HLF: variants seen among roughly 807,000 people sequenced by gnomAD.
HLF encodes the protein HLF transcription factor, PAR bZIP family member, also known as hepatic leukemia factor.
Under a neutral mutation model 22.6 loss-of-function variants are expected in HLF, and 3 were observed. The ratio of observed to expected loss-of-function variants is 0.13; its 90% CI spans 0.06 to 0.34. The LOEUF (loss-of-function observed/expected upper bound fraction) is 0.34. HLF is among the 10% of genes least tolerant of loss of function. HLF has a pLI of 1.00. For synonymous variants in HLF, 151 were observed against 151.8 expected, an observed-to-expected ratio of 0.99 and a Z score of 0.04; for missense variants, 299 against 389.2, an observed-to-expected ratio of 0.77 and a Z score of 1.95.
At chr17:55,318,121 G>C (rs1408128670) in intron 3 of HLF, among the ~76,000 whole-genome samples, 1 of 152,098 alleles carries the variant, frequency 6.6e-6, no homozygotes, top group Admixed American at 6.5e-5. Context: ...GTCCCTTGTT[G>C]CATGGAGGTA....
At chr17:55,318,101 G>A (rs1905136890) in intron 3 of HLF, among the ~76,000 whole-genome samples, 1 of 151,074 alleles carries the variant, frequency 6.6e-6, no homozygotes, top group South Asian at 2.1e-4. Flanking sequence ...GGTGGGGCGG[G>A]GCTAAGTGGG....
At chr17:55,278,594 A>G (rs951833647) in intron 2 of HLF, among the ~76,000 whole-genome samples, 9 of 152,226 alleles carry the variant, frequency 5.9e-5, no homozygotes, top group Non-Finnish European at 1.2e-4. Flanking sequence ...ATGGGAATCA[A>G]TGCAGCAAAC....
chr17:55,294,669 G>A (rs536897320), intron 2 of HLF, among the ~76,000 whole-genome samples: 3 of 152,306 alleles, frequency 2.0e-5, no homozygotes, highest in Admixed American at 6.5e-5. Context: ...ATGTCAGGCC[G>A]CCTTGTGAGT....
In HLF at chr17:55,321,157, CT is replaced by C; in HGVS notation, c.*281del. On this transcript the variant is annotated 3_prime_UTR_variant, in exon 4 of 4. Coordinates refer to ENST00000226067, the MANE Select transcript of HLF (RefSeq NM_002126.5). Reference sequence around the variant, plus strand: ...GTTCCAACAAAGAAAGGTGCCATGTCTTTACTAGACTGAGGAGCCCTCTCGC... The same window carrying C: ...GTTCCAACAAAGAAAGGTGCCATGTCTTACTAGACTGAGGAGCCCTCTCGC... 2.5e-6 allele frequency: 1 copy of C among 399,762 alleles called. No individual in the cohort carries two copies. Among genetic ancestry groups the C allele is most frequent in the Admixed American group, 3.9e-5 (1 of 25,726 alleles). 24.8% of individuals were successfully genotyped at this position (399,762 alleles called of 1,614,324 possible).
intron 2 of HLF, among the ~76,000 whole-genome samples, chr17:55,288,391 G>T (rs1281202551): frequency 6.6e-6 from 1 of 151,966 alleles, no homozygotes; most frequent in Non-Finnish European, 1.5e-5. Flanking sequence ...CAAGTGATCC[G>T]CCCTCCTTGG....
At position 55,323,917 on chromosome 17, in the gene HLF, G is replaced by A. The variant is rs1181358662; in HGVS notation, c.*3038G>A. The A allele has an allele frequency of 4.4e-6, 1 of 228,806 alleles. No homozygotes were observed. Among genetic ancestry groups the A allele is most frequent in the African/African-American group, 2.2e-5 (1 of 45,040 alleles). The allele number at this position is 228,806 out of a possible 1,614,324, so 14.2% of individuals were successfully genotyped here. ...TACTGACATCATCTAGACATGATTT[G>A]GAAGGAACAGCTTAGGACCTCCTGA... On this transcript the variant is annotated 3_prime_UTR_variant, in exon 4 of 4. Transcript: ENST00000226067.
chr17:55,297,382 T>C (rs2081119686), intron 2 of HLF, among the ~76,000 whole-genome samples: 1 of 152,208 alleles, frequency 6.6e-6, no homozygotes, highest in East Asian at 1.9e-4. Flanking sequence ...CTTTCTCTTA[T>C]TTCAGTTTGA....
Position 55,324,536 on chromosome 17 carries a change from T to C in HLF, c.*3657T>C. Reference sequence around the variant, plus strand: ...TCCCAAGGCATGGGACCAGGCCTGCTTGCCTATGTGTGATGGCAATTGGAG... The same window carrying C: ...TCCCAAGGCATGGGACCAGGCCTGCCTGCCTATGTGTGATGGCAATTGGAG... On this transcript the variant is annotated 3_prime_UTR_variant, in exon 4 of 4. Coordinates refer to ENST00000226067, the MANE Select transcript of HLF (RefSeq NM_002126.5). 1 of 232,450 alleles carries C rather than the reference T, an allele frequency of 4.3e-6. No homozygotes were observed. Among genetic ancestry groups the C allele is most frequent in the Non-Finnish European group, 8.5e-6 (1 of 117,516 alleles). The allele number at this position is 232,450 out of a possible 1,614,324, so 14.4% of individuals were successfully genotyped here. A position where few individuals can be genotyped will look rare whatever the true frequency, so the allele number is the denominator to read the frequency against.
At chr17:55,283,679 G>A (rs1305190684) in intron 2 of HLF, 4 of 152,250 alleles carry the variant, frequency 2.6e-5, no homozygotes, top group Non-Finnish European at 5.9e-5. Context: ...AAGGTGGAGG[G>A]AAGCTGTAAT....
At chr17:55,316,725 TGACAAGG>T (rs1905079917) in intron 3 of HLF, among the ~76,000 whole-genome samples, 1 of 152,166 alleles carries the variant, frequency 6.6e-6, no homozygotes, top group Non-Finnish European at 1.5e-5. Context: ...ATGTTGGCCC[TGACAAGG>T]GCTATAACGG....
At chr17:55,315,698 T>C (rs766863610) in intron 3 of HLF, among the ~76,000 whole-genome samples, 16 of 152,078 alleles carry the variant, frequency 1.1e-4, no homozygotes, top group Non-Finnish European at 1.9e-4. Context: ...TTTAAACCCA[T>C]GAAGGAAACA....
intron 3 of HLF, among the ~76,000 whole-genome samples, chr17:55,317,561 G>A (rs1905118491): frequency 6.6e-6 from 1 of 152,226 alleles, no homozygotes; most frequent in South Asian, 2.1e-4. Flanking sequence ...GAATGGGCAG[G>A]AACATTGTCC....
At chr17:55,287,300 C>T (rs1248757937) in intron 2 of HLF, among the ~76,000 whole-genome samples, 2 of 152,192 alleles carry the variant, frequency 1.3e-5, no homozygotes, top group Admixed American at 6.5e-5. Flanking sequence ...TTAAAAGCCA[C>T]ATTTTCTTTG....
chr17:55,270,938 G>A (rs574742673), intron 2 of HLF, among the ~76,000 whole-genome samples: 16 of 152,208 alleles, frequency 1.1e-4, no homozygotes, highest in South Asian at 1.0e-3. Context: ...CACCGCGCCC[G>A]GCCTTGGGTA....
chr17:55,299,912 A>T (rs2081141987), intron 2 of HLF, among the ~76,000 whole-genome samples: 1 of 152,076 alleles, frequency 6.6e-6, no homozygotes, highest in South Asian at 2.1e-4. Flanking sequence ...AGCTGACTGC[A>T]GCCTTGAACT....
chr17:55,287,131 A>T (rs532592752), intron 2 of HLF, among the ~76,000 whole-genome samples: 135 of 152,344 alleles, frequency 8.9e-4, no homozygotes, highest in African/African-American at 2.8e-3. Context: ...TTGCAATCAC[A>T]TTAGTCATTC....
intron 2 of HLF, among the ~76,000 whole-genome samples, chr17:55,279,186 CATT>C (rs2080931735): frequency 6.6e-6 from 1 of 152,028 alleles, no homozygotes; most frequent in Non-Finnish European, 1.5e-5. Flanking sequence ...TTATTTTTAA[CATT>C]ATAAGTGAAA....
At chr17:55,274,131 A>G (rs1474087313) in intron 2 of HLF, among the ~76,000 whole-genome samples, 1 of 152,160 alleles carries the variant, frequency 6.6e-6, no homozygotes, top group Non-Finnish European at 1.5e-5. Context: ...GTGGGAAGAA[A>G]AAAACCCTTG....
intron 2 of HLF, among the ~76,000 whole-genome samples, chr17:55,280,042 T>C (rs1408253982): frequency 1.3e-5 from 2 of 152,232 alleles, no homozygotes; most frequent in Non-Finnish European, 2.9e-5. Context: ...CTTCAGAGGA[T>C]TCCTGGAGAA....
Sources: allele counts gnomAD v4.1 joint callset (sites outside exome capture counted in the v4.1 genomes callset), GRCh38; gene constraint gnomAD v4.1.1; transcripts MANE v1.5; gene names NCBI Gene and HGNC (gene_info 2026-07-23, HGNC 2026-07-21).